The following CABCOCO1 variants were observed in gnomAD, a reference collection of about 807,000 sequenced individuals.
CABCOCO1 encodes the protein ciliary associated calcium binding coiled-coil 1, also known as ciliary-associated calcium-binding coiled-coil protein 1.
A neutral mutation model predicts 35.7 loss-of-function variants in CABCOCO1; 28 were observed. The observed-to-expected ratio is 0.78, with a 90% CI of 0.58 to 1.07. The LOEUF (loss-of-function observed/expected upper bound fraction) is 1.07. Among genes scored for constraint, CABCOCO1 ranks in the 50% least tolerant of loss-of-function variants. The pLI is 0.00. For missense variants in CABCOCO1, 326 were observed against 309.2 expected (o/e 1.05, Z -0.41); for synonymous variants, 95 against 100.1 (o/e 0.95, Z 0.30).
At chr10:61,720,947 C>CA (rs1840998460) in intron 5 of CABCOCO1, among the ~76,000 whole-genome samples, 1 of 28,214 alleles carries the variant, frequency 3.5e-5, no homozygotes, top group Non-Finnish European at 1.6e-4. Context: ...TTTTTTGCGA[C>CA]AGAGTCTCAC....
chr10:61,740,801 A>G (rs566930442), intron 5 of CABCOCO1, among the ~76,000 whole-genome samples: 1 of 152,236 alleles, frequency 6.6e-6, no homozygotes, highest in Non-Finnish European at 1.5e-5. Context: ...TTAATTTAAC[A>G]TCAAGAAGTA....
chr10:61,741,738 A>G (rs1340816007), intron 5 of CABCOCO1, among the ~76,000 whole-genome samples: 1 of 152,240 alleles, frequency 6.6e-6, no homozygotes, highest in Non-Finnish European at 1.5e-5. Flanking sequence ...ATGAAGCCCA[A>G]AAAAGTAGGG....
chr10:61,725,086 G>A (rs374256884), intron 5 of CABCOCO1, among the ~76,000 whole-genome samples: 40 of 152,096 alleles, frequency 2.6e-4, no homozygotes, highest in African/African-American at 8.0e-4. Context: ...TCTTATTGGC[G>A]ATCATTAAAA....
intron 5 of CABCOCO1, among the ~76,000 whole-genome samples, chr10:61,721,601 G>T (rs1047495382): frequency 6.6e-6 from 1 of 152,168 alleles, no homozygotes; most frequent in Non-Finnish European, 1.5e-5. Flanking sequence ...AAGAGGAACT[G>T]AAGTCACAGA....
chr10:61,680,679 TTATACATGTATAACA>T (rs1839743826), intron 2 of CABCOCO1, among the ~76,000 whole-genome samples: 1 of 82,148 alleles, frequency 1.2e-5, no homozygotes, highest in South Asian at 3.5e-4. Flanking sequence ...AACATATATG[TTATACATGTATAACA>T]TATATATGTT....
intron 6 of CABCOCO1, among the ~76,000 whole-genome samples, chr10:61,760,451 T>C (rs558870514): frequency 6.6e-6 from 1 of 152,164 alleles, no homozygotes; most frequent in South Asian, 2.1e-4. Flanking sequence ...ATAACCCTCA[T>C]GAACAGGAAT....
rs115159858 is a variant in CABCOCO1 at position 61,691,436 on chromosome 10, T to C, written c.552+815T>C. ...AACAAACTTACTTATAATCACATAT[T>C]TGTAATTCCTAGAAATGAATTCTGA... On this transcript the variant is annotated intron_variant, in intron 5 of 7. Transcript: ENST00000648843. 4.1e-3 allele frequency among the ~76,000 whole-genome samples: 632 copies of C among 152,318 alleles called. 6 individuals are homozygous for C. Among genetic ancestry groups the C allele is most frequent in the African/African-American group, 0.014 (601 of 41,578 alleles).
chr10:61,673,424 G>A (rs950717433), intron 2 of CABCOCO1, among the ~76,000 whole-genome samples: 6 of 152,146 alleles, frequency 3.9e-5, no homozygotes, highest in Admixed American at 6.5e-5. Flanking sequence ...ATTGGCCATC[G>A]TGTGTAGAGA....
chr10:61,666,179 A>T (rs1218802255), intron 1 of CABCOCO1, among the ~76,000 whole-genome samples: 1 of 152,208 alleles, frequency 6.6e-6, no homozygotes, highest in African/African-American at 2.4e-5. Flanking sequence ...AACTCTCTCT[A>T]CATTGGGTCG....
At chr10:61,737,620 A>G (rs192742330) in intron 5 of CABCOCO1, among the ~76,000 whole-genome samples, 23 of 152,364 alleles carry the variant, frequency 1.5e-4, no homozygotes, top group Non-Finnish European at 1.2e-4. Flanking sequence ...AATATTATGC[A>G]GCCATAAAAA....
intron 5 of CABCOCO1, among the ~76,000 whole-genome samples, chr10:61,713,495 G>A (rs911671897): frequency 5.3e-5 from 8 of 151,204 alleles, no homozygotes; most frequent in East Asian, 1.9e-4. Flanking sequence ...AATTGAATAC[G>A]CTTTATTTCT....
intron 2 of CABCOCO1, among the ~76,000 whole-genome samples, chr10:61,680,901 G>A (rs1839771326): frequency 6.6e-6 from 1 of 150,452 alleles, no homozygotes; most frequent in Admixed American, 6.7e-5. Context: ...GAGAGAAGGA[G>A]GAGAAACAGA....
chr10:61,738,450 A>G (rs1272395453), intron 5 of CABCOCO1, among the ~76,000 whole-genome samples: 1 of 152,222 alleles, frequency 6.6e-6, no homozygotes, highest in African/African-American at 2.4e-5. Flanking sequence ...GCTAAATATA[A>G]TACCATCTAA....
rs9971037 is a variant in CABCOCO1 at position 61,746,391 on chromosome 10, T to C, written c.553-13668T>C. Among the ~76,000 whole-genome samples the C allele has an allele frequency of 4.9e-3, 753 of 152,294 alleles. 6 individuals are homozygous for C. Among genetic ancestry groups the C allele is most frequent in the African/African-American group, 0.017 (705 of 41,568 alleles). On this transcript the variant is annotated intron_variant, in intron 5 of 7. Transcript: ENST00000648843. ...CCAGCTTGGTAAAAAACTTCGCAGTTGTTTTTACTGGGGTCATCTGAACTA... is the reference window on the plus strand; with the variant it reads ...CCAGCTTGGTAAAAAACTTCGCAGTCGTTTTTACTGGGGTCATCTGAACTA...
intron 5 of CABCOCO1, among the ~76,000 whole-genome samples, chr10:61,714,630 C>G (rs910673881): frequency 2.0e-5 from 3 of 151,390 alleles, no homozygotes; most frequent in South Asian, 4.2e-4. Flanking sequence ...ATCTTTCCTG[C>G]TTTCTTTTGT....
chr10:61,750,806 T>G (rs1420784247), intron 5 of CABCOCO1, among the ~76,000 whole-genome samples: 1 of 152,162 alleles, frequency 6.6e-6, no homozygotes, highest in Admixed American at 6.5e-5. Flanking sequence ...GCCCTGAAGA[T>G]TTTTAGATGA....
intron 5 of CABCOCO1, among the ~76,000 whole-genome samples, chr10:61,707,423 G>A (rs1209218189): frequency 6.6e-6 from 1 of 152,102 alleles, no homozygotes; most frequent in Non-Finnish European, 1.5e-5. Context: ...TGATAGTTCA[G>A]GGAGATGAAA....
chr10:61,676,369 A>C (rs1037250318), intron 2 of CABCOCO1, among the ~76,000 whole-genome samples: 2 of 152,226 alleles, frequency 1.3e-5, no homozygotes, highest in Non-Finnish European at 1.5e-5. Context: ...TTTAAAATTA[A>C]AATTAAATCC....
At chr10:61,720,236 C>T (rs1840970118) in intron 5 of CABCOCO1, among the ~76,000 whole-genome samples, 2 of 150,962 alleles carry the variant, frequency 1.3e-5, no homozygotes, top group Admixed American at 6.6e-5. Flanking sequence ...TTTAAGTATG[C>T]AAGCAATAAA....
Sources: allele counts gnomAD v4.1 joint callset (sites outside exome capture counted in the v4.1 genomes callset), GRCh38; gene constraint gnomAD v4.1.1; transcripts MANE v1.5; gene names NCBI Gene and HGNC (gene_info 2026-07-23, HGNC 2026-07-21).